Variants in ANKIB1 observed in about 807,000 individuals in gnomAD.
ANKIB1 encodes ankyrin repeat and IBR domain containing 1.
A neutral mutation model predicts 122.1 loss-of-function variants in ANKIB1; 43 were observed. The observed-to-expected ratio is 0.35, with a 90% CI of 0.28 to 0.45. The LOEUF is 0.45. ANKIB1 is among the 20% of genes least tolerant of loss of function. ANKIB1 has a pLI of 1.00. For synonymous variants in ANKIB1, 390 were observed against 442.0 expected, an observed-to-expected ratio of 0.88 and a Z score of 1.48; for missense variants, 992 against 1,329.5, an observed-to-expected ratio of 0.75 and a Z score of 3.95.
At chr7:92,305,004 C>T (rs952404508) in intron 2 of ANKIB1, among the ~76,000 whole-genome samples, 4 of 152,094 alleles carry the variant, frequency 2.6e-5, no homozygotes, top group South Asian at 2.1e-4. Context: ...TTATAACACT[C>T]GTGGATAGAC....
intron 3 of ANKIB1, among the ~76,000 whole-genome samples, chr7:92,313,053 A>C (rs1357738589): frequency 6.6e-6 from 1 of 152,156 alleles, no homozygotes; most frequent in Non-Finnish European, 1.5e-5. Flanking sequence ...CTTAACCTGT[A>C]ATAGTGATTC....
chr7:92,335,366 A>C (rs1212916128), intron 5 of ANKIB1, among the ~76,000 whole-genome samples: 1 of 151,978 alleles, frequency 6.6e-6, no homozygotes, highest in Admixed American at 6.6e-5. Flanking sequence ...GAAGTTGTTC[A>C]TCATAGTGTT....
At chr7:92,338,124 A>G (rs1803329699) in intron 5 of ANKIB1, among the ~76,000 whole-genome samples, 1 of 152,128 alleles carries the variant, frequency 6.6e-6, no homozygotes, top group African/African-American at 2.4e-5. Context: ...AAAAAAGATT[A>G]TTAAGGCTAG....
chr7:92,257,694 A>G (rs1232464104), intron 1 of ANKIB1, among the ~76,000 whole-genome samples: 1 of 152,230 alleles, frequency 6.6e-6, no homozygotes, highest in Non-Finnish European at 1.5e-5. Context: ...CGGGAGGCTG[A>G]GGCAGGAGAA....
intron 5 of ANKIB1, among the ~76,000 whole-genome samples, chr7:92,339,995 A>C (rs1585115445): frequency 6.6e-6 from 1 of 150,772 alleles, no homozygotes; most frequent in South Asian, 2.1e-4. Context: ...TTTTTTGGTA[A>C]GTGTTTTCTT....
In ANKIB1 at chr7:92,344,826, CACTA is replaced by C. The variant is rs1280777659; in HGVS notation, c.997-148_997-145del. On this transcript the variant is annotated intron_variant, in intron 6 of 19. Transcript: ENST00000265742. ...TCATGGTATTTGTTACTGAAAGGCA[CACTA>C]ACTGTCCTTAAAACTTTGAAAGAGG... is the stretch of plus-strand genomic sequence containing the variant. Among the ~76,000 whole-genome samples the C allele has an allele frequency of 3.9e-5, 6 of 152,300 alleles. No individual in the cohort carries two copies. In the East Asian group the frequency reaches 7.7e-4, roughly 20 times the overall value.
intron 1 of ANKIB1, among the ~76,000 whole-genome samples, chr7:92,267,285 A>G (rs1291803820): frequency 6.6e-6 from 1 of 152,216 alleles, no homozygotes; most frequent in African/African-American, 2.4e-5. Flanking sequence ...ATACAGCTCA[A>G]TAAATATTCA....
intron 5 of ANKIB1, among the ~76,000 whole-genome samples, chr7:92,332,803 T>TC (rs1469479482): frequency 1.3e-5 from 2 of 152,224 alleles, no homozygotes; most frequent in East Asian, 1.9e-4. Flanking sequence ...AATACATTTC[T>TC]CCCCCCTGGA....
At chr7:92,270,778 A>G (rs1228755677) in intron 1 of ANKIB1, among the ~76,000 whole-genome samples, 1 of 130,170 alleles carries the variant, frequency 7.7e-6, no homozygotes, top group Non-Finnish European at 1.6e-5. Context: ...ATAGAATCAT[A>G]TAGTATATAG....
At chr7:92,319,660 A>G (rs1322293233) in intron 4 of ANKIB1, 148 bp downstream of exon 4, 2 of 825,740 alleles carry the variant, frequency 2.4e-6, no homozygotes, top group East Asian at 5.6e-5. Context: ...ATAAAGTATA[A>G]AAATACATCT....
chr7:92,297,583 C>CT (rs1000455740), intron 2 of ANKIB1, among the ~76,000 whole-genome samples: 12 of 152,110 alleles, frequency 7.9e-5, no homozygotes, highest in Non-Finnish European at 1.3e-4. Flanking sequence ...GGATTTACTT[C>CT]TTTCCATTCC....
At chr7:92,292,929 A>G (rs1239973805) in intron 1 of ANKIB1, among the ~76,000 whole-genome samples, 2 of 152,204 alleles carry the variant, frequency 1.3e-5, no homozygotes, top group Non-Finnish European at 2.9e-5. Context: ...TCATATATTC[A>G]AAAAGCTCTA....
At chr7:92,309,487 C>T (rs1341259401) in intron 3 of ANKIB1, among the ~76,000 whole-genome samples, 1 of 152,134 alleles carries the variant, frequency 6.6e-6, no homozygotes, top group African/African-American at 2.4e-5. Flanking sequence ...TTTACACAAG[C>T]TTCTCTGTAC....
At chr7:92,333,988 T>G (rs1023875773) in intron 5 of ANKIB1, among the ~76,000 whole-genome samples, 1 of 152,184 alleles carries the variant, frequency 6.6e-6, no homozygotes, top group African/African-American at 2.4e-5. Context: ...TTATTAAAGG[T>G]CTTCACATAA....
chr7:92,268,977 T>TAA (rs1443091492), intron 1 of ANKIB1, among the ~76,000 whole-genome samples: 1 of 152,210 alleles, frequency 6.6e-6, no homozygotes, highest in African/African-American at 2.4e-5. Context: ...AAAGTATAAA[T>TAA]TATTCATCAT....
intron 9 of ANKIB1, among the ~76,000 whole-genome samples, chr7:92,354,974 A>G (rs1803762506): frequency 6.6e-6 from 1 of 152,240 alleles, no homozygotes. Context: ...TTCAAGAACT[A>G]TATATGACAG....
intron 7 of ANKIB1, among the ~76,000 whole-genome samples, chr7:92,348,911 G>C (rs554086175): frequency 4.5e-4 from 68 of 152,350 alleles, no homozygotes; most frequent in African/African-American, 1.4e-3. Context: ...TTGGGCTAAT[G>C]GGTAGTCATT....
At chr7:92,366,265 A>C in intron 10 of ANKIB1, among the ~76,000 whole-genome samples, 1 of 152,064 alleles carries the variant, frequency 6.6e-6, no homozygotes, top group East Asian at 1.9e-4. Flanking sequence ...GCAAGTTAGC[A>C]TCTCCACAGC....
intron 17 of ANKIB1, among the ~76,000 whole-genome samples, chr7:92,393,779 C>A (rs904286540): frequency 6.6e-6 from 1 of 152,060 alleles, no homozygotes; most frequent in Non-Finnish European, 1.5e-5. Flanking sequence ...TAGGCTTTTA[C>A]GTAAACCTTA....
Sources: gnomAD v4.1 joint callset for allele counts (sites outside exome capture counted in the v4.1 genomes callset) on GRCh38, gnomAD v4.1.1 for gene constraint, MANE v1.5 for transcripts, NCBI Gene and HGNC (gene_info 2026-07-23, HGNC 2026-07-21) for gene names.